Variants in GOLGA1 observed in about 807,000 individuals in gnomAD.
GOLGA1 encodes golgin A1.
Under a neutral mutation model 119.7 loss-of-function variants are expected in GOLGA1, and 63 were observed. The observed-to-expected ratio is 0.53, with a 90% confidence interval of 0.43 to 0.65. GOLGA1 has a LOEUF of 0.65. GOLGA1 is among the 30% of genes least tolerant of loss of function. GOLGA1 has a pLI of 0.00. For missense variants in GOLGA1, 798 were observed against 912.8 expected, an observed-to-expected ratio of 0.87 and a Z score of 1.62; for synonymous variants, 318 against 333.4, an observed-to-expected ratio of 0.95 and a Z score of 0.50.
upstream of GOLGA1, chr9:124,945,637 T>C (rs192354534): frequency 6.6e-6 from 1 of 152,294 alleles, no homozygotes; most frequent in Non-Finnish European, 1.5e-5. Context: ...CTTCAATCAG[T>C]TATTAAATTA....
At chr9:124,882,051 C>G in intron 20 of GOLGA1, 97 bp from the exon 21 acceptor site, 2 of 911,490 alleles carry the variant, frequency 2.2e-6, no homozygotes, top group East Asian at 2.6e-5. Context: ...TGATCACTAT[C>G]GTAGGGCAAA....
intron 19 of GOLGA1, among the ~76,000 whole-genome samples, chr9:124,886,673 C>T (rs1007907643): frequency 6.6e-6 from 1 of 151,846 alleles, no homozygotes; most frequent in Non-Finnish European, 1.5e-5. Context: ...GTAGATGGGA[C>T]GATTCCAAGA....
chr9:124,901,159 G>C (rs1467621252), intron 12 of GOLGA1, among the ~76,000 whole-genome samples: 2 of 151,780 alleles, frequency 1.3e-5, no homozygotes, highest in East Asian at 3.9e-4. Context: ...TTTTAGTACA[G>C]ACAGGGTTTC....
At chr9:124,919,603 T>C (rs578052165) in intron 10 of GOLGA1, among the ~76,000 whole-genome samples, 1 of 152,336 alleles carries the variant, frequency 6.6e-6, no homozygotes, top group Non-Finnish European at 1.5e-5. Flanking sequence ...AGTTTCCACT[T>C]AGGTATCTGT....
intron 10 of GOLGA1, among the ~76,000 whole-genome samples, chr9:124,916,898 A>C (rs1315097629): frequency 2.0e-5 from 3 of 150,096 alleles, no homozygotes; most frequent in South Asian, 2.1e-4. Context: ...AAAAAAAAAA[A>C]AAAACGAAAA....
intron 12 of GOLGA1, among the ~76,000 whole-genome samples, chr9:124,906,425 T>A (rs827426): frequency 1.3e-5 from 2 of 151,268 alleles, no homozygotes; most frequent in African/African-American, 2.4e-5. Flanking sequence ...AGTGAGACTC[T>A]ATCTCAAAAA....
intron 15 of GOLGA1, among the ~76,000 whole-genome samples, chr9:124,893,853 C>T (rs1464354007): frequency 6.6e-6 from 1 of 152,214 alleles, no homozygotes; most frequent in Non-Finnish European, 1.5e-5. Flanking sequence ...TGGGCCATTC[C>T]TCAGTCCTGT....
intron 10 of GOLGA1, among the ~76,000 whole-genome samples, chr9:124,915,888 G>A (rs1830432655): frequency 6.6e-6 from 1 of 152,046 alleles, no homozygotes; most frequent in East Asian, 1.9e-4. Context: ...CAGATCAAGA[G>A]GTCAGGAGTT....
chr9:124,923,252 G>C, intron 7 of GOLGA1, 29 bp from the exon 8 acceptor site: 1 of 1,542,822 alleles, frequency 6.5e-7, no homozygotes, highest in Non-Finnish European at 8.8e-7. Flanking sequence ...CATCAACTCA[G>C]GCAACGAAAG....
At chr9:124,912,732 C>T (rs1032384190) in intron 10 of GOLGA1, among the ~76,000 whole-genome samples, 8 of 152,048 alleles carry the variant, frequency 5.3e-5, no homozygotes, top group South Asian at 4.1e-4. Context: ...TTAGTAGAGA[C>T]GGGGTTTCAC....
intron 16 of GOLGA1, 54 bp from the exon 17 acceptor site, chr9:124,889,590 C>T: frequency 1.7e-6 from 2 of 1,153,066 alleles, no homozygotes; most frequent in Non-Finnish European, 1.3e-6. Flanking sequence ...CTCCATCTTC[C>T]CACAGAAATC....
At chr9:124,920,223 G>A (rs556289274) in intron 10 of GOLGA1, among the ~76,000 whole-genome samples, 10 of 151,504 alleles carry the variant, frequency 6.6e-5, no homozygotes, top group South Asian at 2.1e-4. Context: ...GGGCTTAAGC[G>A]ATTCTCCCAC....
chr9:124,930,549 T>C (rs969142224), intron 4 of GOLGA1, among the ~76,000 whole-genome samples: 1 of 152,196 alleles, frequency 6.6e-6, no homozygotes, highest in Non-Finnish European at 1.5e-5. Context: ...TTGGTGAATT[T>C]GGGTCTGATA....
upstream of GOLGA1, chr9:124,945,217 G>A (rs1831127285): frequency 1.3e-5 from 2 of 152,228 alleles, no homozygotes; most frequent in South Asian, 2.1e-4. Context: ...GTCCAAGTAT[G>A]TTTAAACATG....
intron 3 of GOLGA1, among the ~76,000 whole-genome samples, chr9:124,938,326 A>C (rs917364954): frequency 6.6e-6 from 1 of 152,172 alleles, no homozygotes; most frequent in East Asian, 1.9e-4. Context: ...ATAGACGGAA[A>C]AACAGTACAA....
At chr9:124,938,110 GA>G (rs1830914679) in intron 3 of GOLGA1, among the ~76,000 whole-genome samples, 1 of 148,876 alleles carries the variant, frequency 6.7e-6, no homozygotes, top group African/African-American at 2.5e-5. Context: ...AAAGAAAAAA[GA>G]AAAAAAGCAA....
Position 124,929,650 on chromosome 9 carries a change from GTAGGA to G in GOLGA1, c.227-365_227-361del, listed in dbSNP as rs375244574. ...TCCACTTCCTTTTCCGGTCTTAGCA[GTAGGA>G]TAGATCAAAGTGAACTCACTAAACA... On this transcript the variant is annotated intron_variant, in intron 4 of 22. Coordinates refer to ENST00000373555, the MANE Select transcript of GOLGA1 (RefSeq NM_002077.4). Among the ~76,000 whole-genome samples the G allele has an allele frequency of 9.7e-3, 1,481 of 152,300 alleles. 27 individuals carry two copies. Among genetic ancestry groups the G allele is most frequent in the African/African-American group, 0.033 (1,375 of 41,570 alleles).
intron 10 of GOLGA1, 104 bp downstream of exon 10, chr9:124,921,025 C>A: frequency 4.0e-6 from 3 of 742,878 alleles, no homozygotes; most frequent in South Asian, 3.0e-5. Flanking sequence ...ATGTGGACTG[C>A]ATGAGAAATG....
At chr9:124,905,419 G>A (rs1008373320) in intron 12 of GOLGA1, among the ~76,000 whole-genome samples, 34 of 151,976 alleles carry the variant, frequency 2.2e-4, no homozygotes, top group African/African-American at 8.2e-4. Flanking sequence ...CCGAGATCAT[G>A]CCACTGCACT....
Sources: gnomAD v4.1 joint callset for allele counts (sites outside exome capture counted in the v4.1 genomes callset) on GRCh38, gnomAD v4.1.1 for gene constraint, MANE v1.5 for transcripts, NCBI Gene and HGNC (gene_info 2026-07-23, HGNC 2026-07-21) for gene names.